Variants in ABCA4 observed in about 807,000 individuals in gnomAD.
ABCA4 encodes ATP binding cassette subfamily A member 4, also known as retinal-specific phospholipid-transporting ATPase ABCA4.
ABCA4 carries 196 observed loss-of-function variants against 263.7 expected under a neutral mutation model. That is an observed-to-expected ratio of 0.74 (90% CI 0.66 to 0.84). ABCA4 has a LOEUF of 0.84. ABCA4 is among the 40% of genes least tolerant of loss of function. ABCA4 has a pLI of 0.00. For missense variants in ABCA4, 2,792 were observed against 2,855.1 expected, an observed-to-expected ratio of 0.98 and a Z score of 0.50; for synonymous variants, 1,133 against 1,094.2, an observed-to-expected ratio of 1.04 and a Z score of -0.70.
rs369922919 is a variant in ABCA4 at position 94,041,347 on chromosome 1, G to A, written c.3384C>T (p.Asp1128=). 6.2e-7 allele frequency: 1 copy of A among 1,614,188 alleles called. No individual in the cohort carries two copies. The highest frequency in any genetic ancestry group is 1.1e-5 in the South Asian group (1 of 91,082). Residue 1128 remains aspartate, a synonymous_variant, in exon 23 of 50, where the codon GAC becomes GAT. Transcript: ENST00000370225. ...HHMDEADLLG[D]RIAIIAQGRL... is the part of the protein sequence containing the mutation. ...TTCCCTGGGCAATGATGGCAATGCG[G>A]TCCCCAAGGAGGTCGGCCTCGTCCA... is the stretch of plus-strand genomic sequence containing the variant.
In ABCA4 at chr1:94,021,916, A is replaced by T; in HGVS notation, c.4703T>A (p.Val1568Asp). Residue 1568 changes from valine to aspartate, a missense_variant, in exon 33 of 50, where the codon GTC becomes GAC. Physicochemically the swap from Val to Asp is radical, Grantham distance 152. Coordinates refer to ENST00000370225, the MANE Select transcript of ABCA4 (RefSeq NM_000350.3). The part of the protein sequence containing the change: ...GGISIGGKLP[V>D]VPITGEALVG... ...AAGTGCTTCCCCCGTGATGGGGACG[A>T]CTGGGAGCTTTCCTCCAATGGAAAT... 6.2e-7 allele frequency: 1 copy of T among 1,614,224 alleles called. No individual in the cohort carries two copies. The highest frequency in any genetic ancestry group is 1.3e-5 in the African/African-American group (1 of 75,064).
rs756961160 is a variant in ABCA4, at chr1:94,047,047, G to C, written c.2790C>G (p.Cys930Trp). ...REHPGWVPGVCVKNLVKIFEP... is the reference protein window; with the variant it reads ...REHPGWVPGVWVKNLVKIFEP... ...CAAAAATCTTTACCAGATTCTTCAC[G>C]CATACCCCAGGAACCCACCCTGGAT... Residue 930 changes from cysteine (C) to tryptophan (W), a missense_variant, in exon 19 of 50, where the codon TGC becomes TGG. Transcript: ENST00000370225. 1 of 1,613,952 alleles carries C rather than the reference G, an allele frequency of 6.2e-7. No homozygotes were observed. Among genetic ancestry groups the C allele is most frequent in the Non-Finnish European group, 8.5e-7 (1 of 1,180,020 alleles).
At chr1:94,046,352 C>A (rs1166663780) in intron 19 of ABCA4, among the ~76,000 whole-genome samples, 2 of 142,120 alleles carry the variant, frequency 1.4e-5, no homozygotes, top group African/African-American at 5.2e-5. Context: ...GTCCCACCTA[C>A]TTGGGAGGCT....
chr1:94,116,565 G>A (rs192414652), intron 1 of ABCA4, among the ~76,000 whole-genome samples: 5 of 152,176 alleles, frequency 3.3e-5, no homozygotes, highest in Middle Eastern at 3.4e-3. Flanking sequence ...TTTTGGCGGG[G>A]GGCGGGGGCG....
At chr1:94,101,724 G>T (rs1002471064) in intron 5 of ABCA4, among the ~76,000 whole-genome samples, 2 of 152,208 alleles carry the variant, frequency 1.3e-5, no homozygotes, top group Admixed American at 6.5e-5. Flanking sequence ...GGGTGTCTGG[G>T]ATATCAGCTG....
At chr1:94,083,312 G>T in intron 7 of ABCA4, 40 bp downstream of exon 7, 1 of 1,463,472 alleles carries the variant, frequency 6.8e-7, no homozygotes. Context: ...ATGGTGGAAA[G>T]ACATAATGAA....
At position 94,121,140 on chromosome 1, in the gene ABCA4, G is replaced by T; in HGVS notation, c.-95C>A. The T allele has an allele frequency of 1.8e-6, 2 of 1,086,312 alleles. No individual in the cohort carries two copies. Among genetic ancestry groups the T allele is most frequent in the Non-Finnish European group, 2.9e-6 (2 of 700,294 alleles). The allele number at this position is 1,086,312 out of a possible 1,614,324, so 67.3% of individuals were successfully genotyped here. A position where few individuals can be genotyped will look rare whatever the true frequency, so the allele number is the denominator to read the frequency against. ...GTTAAGAGCGCCTCTGGCTCCGGAC[G>T]CTGTGTCCTTCTCCTGGTGATTAAA... is the stretch of plus-strand genomic sequence containing the variant. On this transcript the variant is annotated 5_prime_UTR_variant, in exon 1 of 50. Coordinates refer to ENST00000370225, the MANE Select transcript of ABCA4 (RefSeq NM_000350.3).
At chr1:93,994,065 G>A (rs534951064) in intron 49 of ABCA4, among the ~76,000 whole-genome samples, 24 of 152,288 alleles carry the variant, frequency 1.6e-4, no homozygotes, top group African/African-American at 5.5e-4. Flanking sequence ...GGGTACTTCA[G>A]AAACTTCTGA....
chr1:94,005,494 G>T lies in ABCA4; in HGVS notation c.6094C>A (p.His2032Asn), dbSNP rs183398940. ...CGAAGCCGGGCATAAAGGTAAAGAT[G>T]TTCTCGTCCTGTGAGCAGCTCATCA... is the stretch of plus-strand genomic sequence containing the variant. ...AIDELLTGREHLYLYARLRGV... is the reference protein window; with the variant it reads ...AIDELLTGRENLYLYARLRGV... The change falls in exon 44 of 50, where the codon CAT becomes AAT. Residue 2032 changes from histidine to asparagine, a missense_variant. Transcript: ENST00000370225. 1.2e-6 allele frequency: 2 copies of T among 1,614,028 alleles called. No individual in the cohort carries two copies. The highest frequency in any genetic ancestry group is 2.7e-5 in the African/African-American group (2 of 74,914).
At position 93,992,941 on chromosome 1, in the gene ABCA4, T is replaced by C. The variant is rs1571237289; in HGVS notation, c.*296A>G. 2.0e-6 allele frequency: 1 copy of C among 489,248 alleles called. No individual in the cohort carries two copies. The highest frequency in any genetic ancestry group is 3.7e-6 in the Non-Finnish European group (1 of 268,304). The allele number at this position is 489,248 out of a possible 1,614,324, so 30.3% of individuals were successfully genotyped here. ...GCAGATCTGCTTGAAATGAGAGCAA[T>C]ATGGAGGCCAAAGCTGCTAGTGGGA... On this transcript the variant is annotated 3_prime_UTR_variant, in exon 50 of 50. Coordinates refer to ENST00000370225, the MANE Select transcript of ABCA4 (RefSeq NM_000350.3).
At chr1:94,014,373 GGGAGGAA>G (rs1659662176) in intron 38 of ABCA4, among the ~76,000 whole-genome samples, 163 bp downstream of exon 38, 1 of 137,208 alleles carries the variant, frequency 7.3e-6, no homozygotes, top group Admixed American at 6.8e-5. Flanking sequence ...AAGGAAGGAT[GGGAGGAA>G]GGAAGGAAGG....
In ABCA4 at chr1:94,083,371, A is replaced by G. The variant is rs768480500; in HGVS notation, c.839T>C (p.Met280Thr). ...LRSWGGILSD[M>T]SPRIQEFIHR... ...ACTCACCTCTTGAATTCTTGGTGAC[A>G]TATCAGATAATATTCCTCCCCAAGA... Residue 280 changes from methionine to threonine, a missense_variant, in exon 7 of 50, where the codon ATG (methionine) becomes ACG (threonine). Met to Thr is a moderately conservative substitution (Grantham distance 81). Coordinates refer to ENST00000370225, the MANE Select transcript of ABCA4 (RefSeq NM_000350.3). 55 of 1,612,368 alleles carry G rather than the reference A, an allele frequency of 3.4e-5. 1 individual carries two copies. Among genetic ancestry groups the G allele is most frequent in the East Asian group, 8.9e-5 (4 of 44,856 alleles).
intron 1 of ABCA4, among the ~76,000 whole-genome samples, chr1:94,119,825 G>A (rs1662899488): frequency 6.6e-6 from 1 of 152,120 alleles, no homozygotes; most frequent in African/African-American, 2.4e-5. Flanking sequence ...GCCTTCACCT[G>A]TTCCAGTTGG....
intron 24 of ABCA4, among the ~76,000 whole-genome samples, 161 bp from the exon 25 acceptor site, chr1:94,037,511 C>T (rs1166140702): frequency 6.6e-6 from 1 of 152,006 alleles, no homozygotes; most frequent in African/African-American, 2.4e-5. Flanking sequence ...ATCAAGTCTG[C>T]TTTTAGCTTA....
At chr1:94,029,028 C>T (rs1456524621) in intron 30 of ABCA4, among the ~76,000 whole-genome samples, 2 of 150,078 alleles carry the variant, frequency 1.3e-5, no homozygotes, top group Non-Finnish European at 3.0e-5. Context: ...TGCAGTAAAT[C>T]AGATTTTAAG....
chr1:94,005,326 G>GGAAT, intron 44 of ABCA4, 115 bp downstream of exon 44: 1 of 1,355,220 alleles, frequency 7.4e-7, no homozygotes, highest in Non-Finnish European at 1.0e-6. Flanking sequence ...AACATTTGTT[G>GGAAT]GAATGAATGA....
intron 2 of ABCA4, among the ~76,000 whole-genome samples, chr1:94,112,262 T>A (rs1313472278): frequency 2.0e-5 from 3 of 152,234 alleles, no homozygotes; most frequent in Admixed American, 1.3e-4. Flanking sequence ...AAATAAAATT[T>A]TTCTTCAGTA....
At chr1:94,077,550 C>A in intron 11 of ABCA4, 140 bp downstream of exon 11, 1 of 779,806 alleles carries the variant, frequency 1.3e-6, no homozygotes, top group South Asian at 1.9e-5. Context: ...GAGAACTGTA[C>A]AGGGGATGTA....
chr1:94,091,772 T>C (rs57691547), intron 6 of ABCA4, among the ~76,000 whole-genome samples: 213 of 152,338 alleles, frequency 1.4e-3, no homozygotes, highest in African/African-American at 4.8e-3. Flanking sequence ...GGGATCTGCC[T>C]CTACTAACTG....
Sources: gnomAD v4.1 joint callset for allele counts (sites outside exome capture counted in the v4.1 genomes callset) on GRCh38, gnomAD v4.1.1 for gene constraint, MANE v1.5 for transcripts, NCBI Gene and HGNC (gene_info 2026-07-23, HGNC 2026-07-21) for gene names.